Variants in FAM171B observed in about 807,000 individuals in gnomAD.
The protein encoded by FAM171B is protein FAM171B.
A neutral mutation model predicts 75.6 loss-of-function variants in FAM171B; 19 were observed. The ratio of observed to expected loss-of-function variants is 0.25; its 90% CI spans 0.18 to 0.37. The LOEUF (loss-of-function observed/expected upper bound fraction) is 0.37. FAM171B is among the 10% of genes least tolerant of loss of function. FAM171B has a pLI of 1.00. For synonymous variants in FAM171B, 367 were observed against 361.7 expected, an observed-to-expected ratio of 1.01 and a Z score of -0.17; for missense variants, 848 against 982.4, an observed-to-expected ratio of 0.86 and a Z score of 1.83.
At chr2:186,758,073 C>G (rs1209142831) in intron 6 of FAM171B, among the ~76,000 whole-genome samples, 1 of 152,120 alleles carries the variant, frequency 6.6e-6, no homozygotes, top group Non-Finnish European at 1.5e-5. Context: ...TTAGAGTGCC[C>G]ATTTTAATAT....
rs772204932 is a variant in FAM171B, at chr2:186,761,926, T to C, written c.1584T>C (p.Pro528=). The C allele has an allele frequency of 6.2e-7, 1 of 1,613,336 alleles. No homozygotes were observed. Among genetic ancestry groups the C allele is most frequent in the East Asian group, 2.2e-5 (1 of 44,820 alleles). Residue 528 remains proline, a synonymous_variant, in exon 8 of 8, where the codon CCT becomes CCC. Transcript: ENST00000304698. ...AGGCGTATGGGCGTTCCCATATTCC[T>C]GAACAGCTTATGCATATTTACAGCC... is the stretch of plus-strand genomic sequence containing the variant. ...NEEAYGRSHI[P]EQLMHIYSQP... is the part of the protein sequence containing the mutation.
intron 1 of FAM171B, among the ~76,000 whole-genome samples, chr2:186,705,025 G>A (rs533720961): frequency 6.6e-5 from 10 of 152,280 alleles, no homozygotes; most frequent in South Asian, 4.1e-4. Flanking sequence ...TCTTGGCTTC[G>A]CCCAGGAAGG....
intron 1 of FAM171B, among the ~76,000 whole-genome samples, chr2:186,709,438 A>G (rs1242371885): frequency 6.6e-6 from 1 of 152,224 alleles, no homozygotes; most frequent in Non-Finnish European, 1.5e-5. Flanking sequence ...CCTTTCTTAA[A>G]TAAGGAAACT....
intron 1 of FAM171B, among the ~76,000 whole-genome samples, chr2:186,739,095 T>C (rs183738352): frequency 3.3e-5 from 5 of 152,272 alleles, no homozygotes; most frequent in Admixed American, 6.5e-5. Flanking sequence ...CTGACACTTA[T>C]CTAAGCGTAC....
At chr2:186,751,410 T>C in intron 5 of FAM171B, 106 bp downstream of exon 5, 3 of 1,058,438 alleles carry the variant, frequency 2.8e-6, no homozygotes, top group East Asian at 2.7e-5. Flanking sequence ...TTTAGTAACA[T>C]CACAAATGTA....
At chr2:186,723,720 A>G (rs1689989358) in intron 1 of FAM171B, among the ~76,000 whole-genome samples, 1 of 152,226 alleles carries the variant, frequency 6.6e-6, no homozygotes, top group East Asian at 1.9e-4. Flanking sequence ...AAGAATTTGT[A>G]CTTTGCTTAA....
chr2:186,753,932 G>T lies in FAM171B; in HGVS notation c.896-1G>T. The T allele has an allele frequency of 6.2e-7, 1 of 1,612,074 alleles. No individual in the cohort carries two copies. ...CAAGTATTTTTTACATACCTTTTTA[G>T]GTGCTTGGGTAAATCATGGTCGGGG... On this transcript the variant is annotated splice_acceptor_variant, in intron 5 of 7. Coordinates refer to ENST00000304698, the MANE Select transcript of FAM171B (RefSeq NM_177454.4). LOFTEE classifies it high-confidence loss of function.
chr2:186,751,372 A>G, intron 5 of FAM171B, 68 bp downstream of exon 5: 3 of 1,354,920 alleles, frequency 2.2e-6, no homozygotes, highest in Non-Finnish European at 2.9e-6. Flanking sequence ...TGGATGTTTT[A>G]TCTTAGAACT....
In FAM171B at chr2:186,764,388, G is replaced by T. The variant is rs375692474; in HGVS notation, c.*1565G>T. 1.4e-5 allele frequency: 2 copies of T among 147,968 alleles called. No homozygotes were observed. Among genetic ancestry groups the T allele is most frequent in the African/African-American group, 5.0e-5 (2 of 40,222 alleles). The allele number at this position is 147,968 out of a possible 1,614,324, so 9.2% of individuals were successfully genotyped here. A position where few individuals can be genotyped will look rare whatever the true frequency, so the allele number is the denominator to read the frequency against. Reference sequence around the variant, plus strand: ...TCTGTGTTAACTGAAAGAACATAAAGACCCTAGGCAAATATTTGCTATATA... The same window carrying T: ...TCTGTGTTAACTGAAAGAACATAAATACCCTAGGCAAATATTTGCTATATA... On this transcript the variant is annotated 3_prime_UTR_variant, in exon 8 of 8. Coordinates refer to ENST00000304698, the MANE Select transcript of FAM171B (RefSeq NM_177454.4).
Position 186,762,029 on chromosome 2 carries a change from C to T in FAM171B, c.1687C>T (p.Pro563Ser). 1 of 1,613,614 alleles carries T rather than the reference C, an allele frequency of 6.2e-7. No individual in the cohort carries two copies. Among genetic ancestry groups the T allele is most frequent in the Non-Finnish European group, 8.5e-7 (1 of 1,179,796 alleles). Residue 563 changes from proline (P) to serine (S), a missense_variant, in exon 8 of 8, where the codon CCA (proline) becomes TCA (serine). By Grantham distance (74) the Pro-to-Ser change is moderately conservative. Around this residue, in one of 3 missense-constraint regions of FAM171B, gnomAD observed 665 missense variants for 729.0 expected, o/e 0.91. Coordinates refer to ENST00000304698, the MANE Select transcript of FAM171B (RefSeq NM_177454.4). The surrounding 1 kb of genome is among the most constrained non-coding windows in gnomAD (Gnocchi z 4.0). Reference sequence around the variant, plus strand: ...ACATACTGCTAAGTCAGCTACTTTGCCAAGAAAGGGACAGTTAGTCTATGG... The same window carrying T: ...ACATACTGCTAAGTCAGCTACTTTGTCAAGAAAGGGACAGTTAGTCTATGG... The part of the protein sequence containing the change: ...QLHTAKSATL[P>S]RKGQLVYGQL...
At chr2:186,715,970 A>G (rs1208225852) in intron 1 of FAM171B, among the ~76,000 whole-genome samples, 1 of 152,184 alleles carries the variant, frequency 6.6e-6, no homozygotes, top group Non-Finnish European at 1.5e-5. Context: ...TTAATCAAAT[A>G]TTAGCTTTTT....
At position 186,761,245 on chromosome 2, in the gene FAM171B, A is replaced by T. The variant is rs927880825; in HGVS notation, c.1136+9A>T. ...CTACTTTGTTATTGCAGGTAAGAAA[A>T]TGGCTATAAACACAGAAAACTATCA... On this transcript the variant is annotated intron_variant, in intron 7 of 7. Coordinates refer to ENST00000304698, the MANE Select transcript of FAM171B (RefSeq NM_177454.4). The T allele has an allele frequency of 7.4e-6, 12 of 1,611,764 alleles. No homozygotes were observed. The African/African-American group carries it at 1.5e-4, about 20-fold the overall frequency.
Position 186,762,865 on chromosome 2 carries a change from T to C in FAM171B, c.*42T>C, listed in dbSNP as rs779332042. The C allele has an allele frequency of 9.0e-6, 14 of 1,556,128 alleles. No individual in the cohort carries two copies. The Admixed American group carries it at 2.0e-4, about 22-fold the overall frequency. On this transcript the variant is annotated 3_prime_UTR_variant, in exon 8 of 8. Coordinates refer to ENST00000304698, the MANE Select transcript of FAM171B (RefSeq NM_177454.4). This position sits in a 1 kb window ranked among gnomAD's most constrained non-coding sequence, Gnocchi z 4.0. ...GTGTCTGCTGTCTCGTGCTGTTTAT[T>C]CTTGCTTCTTGTTGTAAATTGCAGT...
intron 1 of FAM171B, among the ~76,000 whole-genome samples, chr2:186,702,800 T>G (rs532237123): frequency 4.6e-4 from 70 of 152,114 alleles, no homozygotes; most frequent in African/African-American, 1.6e-3. Context: ...AAACCTTGAG[T>G]TAATAATGCC....
At chr2:186,741,871 C>G (rs1301807022) in intron 2 of FAM171B, among the ~76,000 whole-genome samples, 1 of 152,036 alleles carries the variant, frequency 6.6e-6, no homozygotes, top group Non-Finnish European at 1.5e-5. Context: ...GTTCATGCAC[C>G]AGGAAGCTGA....
At chr2:186,739,848 A>G (rs1690261440) in intron 1 of FAM171B, among the ~76,000 whole-genome samples, 1 of 152,240 alleles carries the variant, frequency 6.6e-6, no homozygotes, top group Admixed American at 6.5e-5. Context: ...TATATGCTAT[A>G]CTTTCATACA....
intron 1 of FAM171B, among the ~76,000 whole-genome samples, chr2:186,709,993 C>A (rs1241760727): frequency 6.6e-6 from 1 of 152,084 alleles, no homozygotes; most frequent in Non-Finnish European, 1.5e-5. Context: ...TCACTCATAG[C>A]AAGAGGCCAC....
chr2:186,701,089 G>C (rs548839867), intron 1 of FAM171B, among the ~76,000 whole-genome samples: 1 of 151,556 alleles, frequency 6.6e-6, no homozygotes, highest in South Asian at 2.1e-4. Context: ...GCTAAGTTTT[G>C]TATTTTTTTT....
Position 186,761,783 on chromosome 2 carries a change from C to T in FAM171B, c.1441C>T (p.Pro481Ser). The change falls in exon 8 of 8, where the codon CCA becomes TCA. Residue 481 changes from proline (P) to serine (S), a missense_variant. Physicochemically the swap from Pro to Ser is moderately conservative, Grantham distance 74. Transcript: ENST00000304698. Reference protein sequence around the residue: ...SVNQNNYSRNPTQSLEPNVGS... With the variant: ...SVNQNNYSRNSTQSLEPNVGS... ...CAATCAAAATAATTACTCAAGAAACCCAACACAGTCTTTGGAGCCCAATGT... is the reference window on the plus strand; with the variant it reads ...CAATCAAAATAATTACTCAAGAAACTCAACACAGTCTTTGGAGCCCAATGT... 2 of 1,613,034 alleles carry T rather than the reference C, an allele frequency of 1.2e-6. No individual in the cohort carries two copies. Among genetic ancestry groups the T allele is most frequent in the Non-Finnish European group, 1.7e-6 (2 of 1,179,682 alleles).
Sources: gnomAD v4.1 joint callset for allele counts (sites outside exome capture counted in the v4.1 genomes callset) on GRCh38, gnomAD v4.1.1 for gene constraint, gnomAD v4.1.1 regional missense constraint, Gnocchi (gnomAD v3.1) non-coding constraint, MANE v1.5 for transcripts, NCBI Gene and HGNC (gene_info 2026-07-23, HGNC 2026-07-21) for gene names.